The following HMGA1 variants were observed in gnomAD, a reference collection of about 807,000 sequenced individuals.
HMGA1 encodes high mobility group protein HMG-I/HMG-Y.
HMGA1 carries 1 observed loss-of-function variant against 15.1 expected under a neutral mutation model. That is an observed-to-expected ratio of 0.07 (90% CI 0.02 to 0.31). The LOEUF (loss-of-function observed/expected upper bound fraction) is 0.31, where lower values mean the gene tolerates loss of function less well. Among genes scored for constraint, HMGA1 ranks in the 10% least tolerant of loss-of-function variants. The pLI, the probability that HMGA1 is intolerant of heterozygous loss-of-function variation, is 1.00. For synonymous variants in HMGA1, 56 were observed against 54.8 expected (o/e 1.02, Z -0.10); for missense variants, 94 against 141.4 (o/e 0.66, Z 1.70).
chr6:34,237,922 C>T (rs965805636), intron 2 of HMGA1, among the ~76,000 whole-genome samples: 2 of 152,164 alleles, frequency 1.3e-5, no homozygotes, highest in African/African-American at 2.4e-5. Flanking sequence ...CCGACCCCAC[C>T]TCTGGCCTGG....
chr6:34,244,360 G>A (rs568480771), intron 5 of HMGA1, among the ~76,000 whole-genome samples: 3 of 151,886 alleles, frequency 2.0e-5, no homozygotes, highest in African/African-American at 7.2e-5. Flanking sequence ...GTCAGCCCTC[G>A]GCCACCCCGG....
At chr6:34,242,234 T>C (rs1581804135) in intron 3 of HMGA1, among the ~76,000 whole-genome samples, 1 of 151,842 alleles carries the variant, frequency 6.6e-6, no homozygotes, top group African/African-American at 2.4e-5. Flanking sequence ...AGGCAGGGAG[T>C]GTGTGTCCAG....
intron 4 of HMGA1, among the ~76,000 whole-genome samples, chr6:34,243,069 G>A (rs1283039148): frequency 6.6e-6 from 1 of 152,180 alleles, no homozygotes; most frequent in African/African-American, 2.4e-5. Context: ...GAAGGGCAGA[G>A]TGGGGAGAAT....
intron 2 of HMGA1, among the ~76,000 whole-genome samples, chr6:34,238,110 C>A (rs1052313620): frequency 4.6e-5 from 7 of 152,186 alleles, no homozygotes; most frequent in Non-Finnish European, 1.0e-4. Context: ...TCCTCTCCCC[C>A]GCGCCCGCGC....
intron 2 of HMGA1, among the ~76,000 whole-genome samples, chr6:34,239,171 C>A (rs747415343): frequency 6.6e-6 from 1 of 152,280 alleles, no homozygotes; most frequent in African/African-American, 2.4e-5. Context: ...TCTGGAGGGT[C>A]TCTTGATGCT....
chr6:34,243,073 G>A (rs1198172148), intron 4 of HMGA1, among the ~76,000 whole-genome samples: 2 of 152,168 alleles, frequency 1.3e-5, no homozygotes, highest in East Asian at 3.9e-4. Flanking sequence ...GGCAGAGTGG[G>A]GAGAATGGAG....
Position 34,245,014 on chromosome 6 carries a change from A to G in HMGA1, c.*130A>G, listed in dbSNP as rs774927228. On this transcript the variant is annotated 3_prime_UTR_variant, in exon 6 of 6. Coordinates refer to ENST00000311487, the MANE Select transcript of HMGA1 (RefSeq NM_145899.3). Reference sequence around the variant, plus strand: ...ACCACCGCCTCTGGCCGCCACCCCCATCTTCCACCTGTGCCCTCACCACCA... The same window carrying G: ...ACCACCGCCTCTGGCCGCCACCCCCGTCTTCCACCTGTGCCCTCACCACCA... The G allele has an allele frequency of 2.9e-6, 4 of 1,367,580 alleles. No homozygotes were observed. Among genetic ancestry groups the G allele is most frequent in the Admixed American group, 2.6e-5 (1 of 39,134 alleles). The allele number at this position is 1,367,580 out of a possible 1,614,324, so 84.7% of individuals were successfully genotyped here.
chr6:34,237,967 C>T (rs1025208237), intron 2 of HMGA1, among the ~76,000 whole-genome samples: 1 of 152,130 alleles, frequency 6.6e-6, no homozygotes, highest in Non-Finnish European at 1.5e-5. Flanking sequence ...CCGGGCCTGC[C>T]CTCCGCCCCC....
Position 34,242,755 on chromosome 6 carries a change from G to T in HMGA1, c.179G>T (p.Arg60Leu). Residue 60 changes from arginine (R) to leucine (L), a missense_variant, in exon 4 of 6, where the codon CGA (arginine) becomes CTA (leucine). Arg to Leu is a moderately radical substitution (Grantham distance 102). Transcript: ENST00000311487. ...CCAACACCTAAGAGACCTCGGGGCCGACCAAAGGGAAGCAAAAACAAGGGT... is the reference window on the plus strand; with the variant it reads ...CCAACACCTAAGAGACCTCGGGGCCTACCAAAGGGAAGCAAAAACAAGGGT... ...EVPTPKRPRG[R>L]PKGSKNKGAA... The T allele has an allele frequency of 6.3e-7, 1 of 1,593,542 alleles. No individual in the cohort carries two copies. The highest frequency in any genetic ancestry group is 1.1e-5 in the South Asian group (1 of 88,160).
chr6:34,238,501 G>A (rs1396865678), intron 2 of HMGA1, among the ~76,000 whole-genome samples: 1 of 152,192 alleles, frequency 6.6e-6, no homozygotes, highest in African/African-American at 2.4e-5. Context: ...TACGGGGGAC[G>A]GGGAAGAAAA....
chr6:34,242,189 G>A (rs948142697), intron 3 of HMGA1, among the ~76,000 whole-genome samples: 1 of 152,156 alleles, frequency 6.6e-6, no homozygotes, highest in Non-Finnish European at 1.5e-5. Flanking sequence ...CCCTTCTCTG[G>A]GGGCAGCCTG....
At chr6:34,241,738 C>T (rs1762326588) in intron 3 of HMGA1, among the ~76,000 whole-genome samples, 1 of 152,224 alleles carries the variant, frequency 6.6e-6, no homozygotes, top group Admixed American at 6.5e-5. Flanking sequence ...TACTTCCCTT[C>T]CCTGGGAGAG....
At position 34,245,222 on chromosome 6, in the gene HMGA1, G is replaced by A. The variant is rs1245920399; in HGVS notation, c.*338G>A. ...TGCGTCCCCACTCCCTTGGTGGTGG[G>A]GACATTGCTCTCTGGGCTTTTGGTT... On this transcript the variant is annotated 3_prime_UTR_variant, in exon 6 of 6. Transcript: ENST00000311487. The A allele has an allele frequency of 3.6e-6, 5 of 1,394,270 alleles. No homozygotes were observed. Among genetic ancestry groups the A allele is most frequent in the African/African-American group, 1.4e-5 (1 of 70,428 alleles). The allele number at this position is 1,394,270 out of a possible 1,614,324, so 86.4% of individuals were successfully genotyped here.
rs796827236 is a variant in HMGA1 at position 34,239,700 on chromosome 6, A to T, written c.-44-1037A>T. Among the ~76,000 whole-genome samples the T allele has an allele frequency of 9.3e-5, 14 of 150,780 alleles. No homozygotes were observed. In the East Asian group the frequency reaches 1.6e-3, roughly 17 times the overall value. ...AGCCTGGGGATAAGGACTAGGATGA[A>T]GATGTGGAGGACTGTCCTTTTTAAG... On this transcript the variant is annotated intron_variant, in intron 2 of 5. Transcript: ENST00000311487.
In HMGA1 at chr6:34,245,933, C is replaced by T. The variant is rs1434600337; in HGVS notation, c.*1049C>T. 9.6e-6 allele frequency: 3 copies of T among 311,714 alleles called. No individual in the cohort carries two copies. Among genetic ancestry groups the T allele is most frequent in the East Asian group, 5.9e-5 (1 of 17,090 alleles). The allele number at this position is 311,714 out of a possible 1,614,324, so 19.3% of individuals were successfully genotyped here. On this transcript the variant is annotated 3_prime_UTR_variant, in exon 6 of 6. Coordinates refer to ENST00000311487, the MANE Select transcript of HMGA1 (RefSeq NM_145899.3). ...CTGCTACCAGCGCCAAATGTTCATCCTCATTGCCTCCTGTTCTGCCCACGA... is the reference window on the plus strand; with the variant it reads ...CTGCTACCAGCGCCAAATGTTCATCTTCATTGCCTCCTGTTCTGCCCACGA...
At position 34,245,735 on chromosome 6, in the gene HMGA1, C is replaced by G; in HGVS notation, c.*851C>G. The G allele has an allele frequency of 1.7e-6, 1 of 597,954 alleles. No individual in the cohort carries two copies. The highest frequency in any genetic ancestry group is 2.7e-6 in the Non-Finnish European group (1 of 364,512). The allele number at this position is 597,954 out of a possible 1,614,324, so 37.0% of individuals were successfully genotyped here. A position where few individuals can be genotyped will look rare whatever the true frequency, so the allele number is the denominator to read the frequency against. ...TTCCGCCACTCAGCCATTTCCCCCT[C>G]CTCAGATGGGGCACCAATAACAAGG... is the stretch of plus-strand genomic sequence containing the variant. On this transcript the variant is annotated 3_prime_UTR_variant, in exon 6 of 6. Coordinates refer to ENST00000311487, the MANE Select transcript of HMGA1 (RefSeq NM_145899.3).
chr6:34,241,697 A>T (rs1477047507), intron 3 of HMGA1, among the ~76,000 whole-genome samples: 1 of 152,216 alleles, frequency 6.6e-6, no homozygotes, highest in Non-Finnish European at 1.5e-5. Flanking sequence ...GCTGTCACCC[A>T]AGTGAAGGGT....
Position 34,245,235 on chromosome 6 carries a change from T to G in HMGA1, c.*351T>G. 1.4e-6 allele frequency: 2 copies of G among 1,385,324 alleles called. No homozygotes were observed. The highest frequency in any genetic ancestry group is 1.9e-6 in the Non-Finnish European group (2 of 1,049,340). 85.8% of individuals were successfully genotyped at this position (1,385,324 alleles called of 1,614,324 possible). A position where few individuals can be genotyped will look rare whatever the true frequency, so the allele number is the denominator to read the frequency against. ...CCTTGGTGGTGGGGACATTGCTCTCTGGGCTTTTGGTTTGGGGGCGCCCTC... is the reference window on the plus strand; with the variant it reads ...CCTTGGTGGTGGGGACATTGCTCTCGGGGCTTTTGGTTTGGGGGCGCCCTC... On this transcript the variant is annotated 3_prime_UTR_variant, in exon 6 of 6. Transcript: ENST00000311487.
chr6:34,241,939 C>T (rs537033483), intron 3 of HMGA1, among the ~76,000 whole-genome samples: 2 of 152,224 alleles, frequency 1.3e-5, no homozygotes, highest in East Asian at 3.9e-4. Flanking sequence ...TAGCCTAGCT[C>T]CCTCAGCCTC....
Sources: gnomAD v4.1 joint callset for allele counts (sites outside exome capture counted in the v4.1 genomes callset) on GRCh38, gnomAD v4.1.1 for gene constraint, MANE v1.5 for transcripts, NCBI Gene and HGNC (gene_info 2026-07-23, HGNC 2026-07-21) for gene names.